ARHGEF4: variants seen among roughly 807,000 people sequenced by gnomAD.
ARHGEF4 encodes APC-stimulated guanine nucleotide exchange factor 1.
ARHGEF4 carries 119 observed loss-of-function variants against 162.0 expected under a neutral mutation model. That is an observed-to-expected ratio of 0.73 (90% confidence interval 0.63 to 0.86). The LOEUF (loss-of-function observed/expected upper bound fraction) is 0.86, where lower values mean the gene tolerates loss of function less well. Among genes scored for constraint, ARHGEF4 ranks in the 40% least tolerant of loss-of-function variants. The pLI, the probability that ARHGEF4 is intolerant of heterozygous loss-of-function variation, is 0.00. For missense variants in ARHGEF4, 2,488 were observed against 2,456.0 expected (o/e 1.01, Z -0.28); for synonymous variants, 1,014 against 979.9 (o/e 1.03, Z -0.65).
At position 130,867,035 on chromosome 2, in the gene ARHGEF4, C is replaced by A. The variant is rs931878868; in HGVS notation, c.39+30043C>A. On this transcript the variant is annotated intron_variant, in intron 1 of 13. Transcript: ENST00000409359. ...TTGAATGCTAATTATTGATTCAATT[C>A]CTTTAATAGATATAGGCCTTCCTGA... is the stretch of plus-strand genomic sequence containing the variant. Among the ~76,000 whole-genome samples, 6 of 152,066 alleles carry A rather than the reference C, an allele frequency of 3.9e-5. No individual in the cohort carries two copies. The South Asian group carries it at 1.2e-3, about 32-fold the overall frequency.
In ARHGEF4 at chr2:130,915,080, C is replaced by CG; in HGVS notation, c.1134_1135insG (p.Pro379AlafsTer78). On this transcript the variant is annotated frameshift_variant, in exon 2 of 14. Transcript: ENST00000409359. LOFTEE classifies it high-confidence loss of function. ...AACGAGATCCAAGAATACAAAACAT[C>CG]CCTTCCCCTGCACCCACCCAGCTGT... is the stretch of plus-strand genomic sequence containing the variant. 6.4e-7 allele frequency: 1 copy of CG among 1,550,700 alleles called. No homozygotes were observed.
chr2:130,875,640 C>T (rs72658773), intron 1 of ARHGEF4, among the ~76,000 whole-genome samples: 1,930 of 152,288 alleles, frequency 0.013, 44 homozygotes, highest in African/African-American at 0.044. Flanking sequence ...CATTAATCCC[C>T]CCGATGATCA....
At chr2:131,040,496 G>C in intron 8 of ARHGEF4, 56 bp downstream of exon 8, 1 of 1,476,052 alleles carries the variant, frequency 6.8e-7, no homozygotes, top group South Asian at 1.4e-5. Context: ...AGGCTGCCGC[G>C]GGCGCCAGCG....
chr2:130,939,557 G>A (rs1376267645), intron 3 of ARHGEF4, among the ~76,000 whole-genome samples: 1 of 151,772 alleles, frequency 6.6e-6, no homozygotes, highest in African/African-American at 2.4e-5. Flanking sequence ...TTTCAACATT[G>A]TTTTACACGT....
chr2:130,843,586 A>AG (rs893320801), intron 1 of ARHGEF4, among the ~76,000 whole-genome samples: 3 of 152,040 alleles, frequency 2.0e-5, no homozygotes, highest in Non-Finnish European at 4.4e-5. Flanking sequence ...TGCTCTTCCA[A>AG]GGGGGGGCAC....
intron 10 of ARHGEF4, 151 bp downstream of exon 10, chr2:131,042,095 C>G: frequency 4.1e-6 from 5 of 1,217,594 alleles, no homozygotes; most frequent in Non-Finnish European, 5.5e-6. Context: ...AAGCCTGTCC[C>G]CAGCGTGGGC....
intron 4 of ARHGEF4, among the ~76,000 whole-genome samples, chr2:130,980,730 C>T (rs1686065567): frequency 6.6e-6 from 1 of 152,178 alleles, no homozygotes; most frequent in African/African-American, 2.4e-5. Context: ...TACATGAAGG[C>T]CCATCAGTGA....
chr2:130,880,231 G>A (rs774507602), intron 1 of ARHGEF4, among the ~76,000 whole-genome samples: 24 of 152,160 alleles, frequency 1.6e-4, no homozygotes, highest in Non-Finnish European at 2.9e-4. Context: ...ACGACCCCCT[G>A]CTGCCTCAGA....
At chr2:130,996,030 C>T (rs1206495380) in intron 4 of ARHGEF4, among the ~76,000 whole-genome samples, 1 of 152,002 alleles carries the variant, frequency 6.6e-6, no homozygotes, top group Admixed American at 6.6e-5. Flanking sequence ...GCTGGGATTA[C>T]AGGCGCCCGC....
intron 4 of ARHGEF4, among the ~76,000 whole-genome samples, chr2:130,991,155 G>C (rs1029029445): frequency 2.6e-5 from 4 of 152,222 alleles, no homozygotes; most frequent in African/African-American, 9.6e-5. Flanking sequence ...TGATGGTGTG[G>C]AACACCAAAG....
intron 1 of ARHGEF4, among the ~76,000 whole-genome samples, chr2:130,843,093 T>C (rs1680715021): frequency 6.6e-6 from 1 of 152,170 alleles, no homozygotes; most frequent in African/African-American, 2.4e-5. Flanking sequence ...GCCTCCTTTC[T>C]ATTTTCAAGA....
intron 2 of ARHGEF4, among the ~76,000 whole-genome samples, chr2:130,921,081 G>C (rs1681843619): frequency 6.6e-6 from 1 of 151,698 alleles, no homozygotes; most frequent in Non-Finnish European, 1.5e-5. Context: ...TTTCATTATC[G>C]TGTTACTACT....
At chr2:130,868,534 T>C (rs1356588405) in intron 1 of ARHGEF4, among the ~76,000 whole-genome samples, 2 of 151,884 alleles carry the variant, frequency 1.3e-5, no homozygotes, top group Non-Finnish European at 2.9e-5. Flanking sequence ...GTGGTGTCTT[T>C]AGGGAATACA....
At chr2:131,011,710 C>A in intron 4 of ARHGEF4, 1 of 1,454,592 alleles carries the variant, frequency 6.9e-7, no homozygotes, top group Non-Finnish European at 9.3e-7. Flanking sequence ...GCCAGATGGG[C>A]AGCAAGCTTT....
intron 1 of ARHGEF4, among the ~76,000 whole-genome samples, chr2:130,848,047 G>T (rs1180195178): frequency 6.6e-6 from 1 of 152,234 alleles, no homozygotes; most frequent in Non-Finnish European, 1.5e-5. Context: ...CAGAGGAGAG[G>T]AAGGAAAGTC....
rs143704884 is a variant in ARHGEF4, at chr2:130,945,313, G to A, written c.3859-1196G>A. ...ACTTCCTGCAACTGTGTCTGCCTCTGAAACCAAGTGGCAGGGAGACAGAGA... is the reference window on the plus strand; with the variant it reads ...ACTTCCTGCAACTGTGTCTGCCTCTAAAACCAAGTGGCAGGGAGACAGAGA... On this transcript the variant is annotated intron_variant, in intron 3 of 13. Transcript: ENST00000409359. 1.9e-3 allele frequency among the ~76,000 whole-genome samples: 287 copies of A among 152,162 alleles called. 3 individuals are homozygous for A. The highest frequency in any genetic ancestry group is 6.6e-3 in the African/African-American group (274 of 41,496).
chr2:130,998,425 C>T (rs1439359944), intron 4 of ARHGEF4, among the ~76,000 whole-genome samples: 1 of 152,130 alleles, frequency 6.6e-6, no homozygotes, highest in Non-Finnish European at 1.5e-5. Flanking sequence ...CCATCCAGTA[C>T]CATACAGAGA....
At chr2:131,040,709 G>A (rs1460099950) in intron 8 of ARHGEF4, among the ~76,000 whole-genome samples, 2 of 152,228 alleles carry the variant, frequency 1.3e-5, no homozygotes, top group East Asian at 3.9e-4. Flanking sequence ...AGATAGGAGG[G>A]CAGAGGCCTG....
intron 1 of ARHGEF4, among the ~76,000 whole-genome samples, chr2:130,871,613 C>G (rs958184126): frequency 1.2e-4 from 18 of 148,592 alleles, no homozygotes; most frequent in Non-Finnish European, 2.2e-4. Context: ...ACACACACAC[C>G]TGCTTTCAGA....
Sources: allele counts gnomAD v4.1 joint callset (sites outside exome capture counted in the v4.1 genomes callset), GRCh38; gene constraint gnomAD v4.1.1; transcripts MANE v1.5; gene names NCBI Gene and HGNC (gene_info 2026-07-23, HGNC 2026-07-21).